AP3D1: variants seen among roughly 807,000 people sequenced by gnomAD.
AP3D1 encodes the protein adaptor related protein complex 3 subunit delta 1, also known as AP-3 complex subunit delta-1.
Under a neutral mutation model 147.6 loss-of-function variants are expected in AP3D1, and 51 were observed. The observed-to-expected ratio is 0.35, with a 90% CI of 0.28 to 0.44. The LOEUF (loss-of-function observed/expected upper bound fraction) is 0.44, where lower values mean the gene tolerates loss of function less well. AP3D1 is among the 20% of genes least tolerant of loss of function. The pLI is 1.00. For synonymous variants in AP3D1, 760 were observed against 663.0 expected (o/e 1.15, Z -2.25); for missense variants, 1,421 against 1,624.2 (o/e 0.87, Z 2.15).
intron 21 of AP3D1, 134 bp from the exon 22 acceptor site, chr19:2,114,436 A>G: frequency 2.6e-6 from 2 of 762,058 alleles, no homozygotes; most frequent in Non-Finnish European, 4.3e-6. Context: ...ATGGCCCAAC[A>G]TAGATCTACT....
intron 9 of AP3D1, 142 bp downstream of exon 9, chr19:2,127,010 C>T: frequency 1.2e-6 from 1 of 860,894 alleles, no homozygotes; most frequent in Non-Finnish European, 1.8e-6. Flanking sequence ...CAGCCAGCCC[C>T]AGGCCCCACC....
chr19:2,107,917 T>C (rs28667087), intron 31 of AP3D1, among the ~76,000 whole-genome samples: 4,909 of 152,222 alleles, frequency 0.032, 266 homozygotes, highest in African/African-American at 0.11. Context: ...CTTGCGCTAA[T>C]TCTTTGAAAA....
intron 30 of AP3D1, 94 bp downstream of exon 30, chr19:2,108,992 G>T (rs916368434): frequency 2.9e-5 from 45 of 1,562,646 alleles, no homozygotes; most frequent in Non-Finnish European, 3.8e-5. Flanking sequence ...TGTGAGTTTG[G>T]GTGGGAGGGC....
intron 1 of AP3D1, among the ~76,000 whole-genome samples, chr19:2,159,387 T>C (rs1181757313): frequency 1.3e-5 from 2 of 150,474 alleles, no homozygotes; most frequent in Non-Finnish European, 3.0e-5. Context: ...CCTAGCTAAT[T>C]TTTTTTGTTT....
chr19:2,120,679 T>C (rs1444360478), intron 14 of AP3D1, among the ~76,000 whole-genome samples, 183 bp downstream of exon 14: 1 of 152,112 alleles, frequency 6.6e-6, no homozygotes, highest in East Asian at 1.9e-4. Flanking sequence ...GACTCGCCTC[T>C]GTAAAGGGGG....
intron 12 of AP3D1, 28 bp downstream of exon 12, chr19:2,121,706 G>C (rs772024705): frequency 2.6e-6 from 4 of 1,547,642 alleles, no homozygotes; most frequent in Non-Finnish European, 3.5e-6. Flanking sequence ...AAGGCCAGGC[G>C]GGCGGGCGGC....
chr19:2,127,302 G>C, intron 8 of AP3D1, 101 bp from the exon 9 acceptor site: 1 of 1,294,938 alleles, frequency 7.7e-7, no homozygotes, highest in Non-Finnish European at 1.1e-6. Flanking sequence ...TCCGCCCCAC[G>C]GCTCAGGGAG....
At chr19:2,144,944 G>A (rs1023570774) in intron 1 of AP3D1, among the ~76,000 whole-genome samples, 1 of 152,046 alleles carries the variant, frequency 6.6e-6, no homozygotes, top group Non-Finnish European at 1.5e-5. Context: ...AACGCTTCTG[G>A]CTCAAATCCA....
chr19:2,112,056 G>A, intron 24 of AP3D1: 1 of 629,360 alleles, frequency 1.6e-6, no homozygotes, highest in South Asian at 2.0e-5. Context: ...AAGCAGCCCG[G>A]GGAACAGTCC....
intron 31 of AP3D1, among the ~76,000 whole-genome samples, chr19:2,102,784 A>T (rs933503589): frequency 2.0e-5 from 3 of 150,316 alleles, no homozygotes; most frequent in African/African-American, 4.9e-5. Flanking sequence ...AATAAATAAA[A>T]TAAAAATAAA....
chr19:2,124,020 C>A (rs369837822), intron 9 of AP3D1, 141 bp from the exon 10 acceptor site: 1 of 963,034 alleles, frequency 1.0e-6, no homozygotes, highest in South Asian at 1.4e-5. Context: ...TTTGGGACCA[C>A]GCAGCCCAAC....
intron 8 of AP3D1, among the ~76,000 whole-genome samples, chr19:2,127,494 C>T (rs184382955): frequency 1.3e-5 from 2 of 152,164 alleles, no homozygotes; most frequent in Admixed American, 1.3e-4. Flanking sequence ...TACCGCCTTC[C>T]TACTGCATCT....
At chr19:2,114,939 C>G in intron 20 of AP3D1, 118 bp from the exon 21 acceptor site, 1 of 1,156,376 alleles carries the variant, frequency 8.6e-7, no homozygotes, top group Non-Finnish European at 1.3e-6. Context: ...TGGGCAGTGA[C>G]GTGGCTCCAC....
intron 1 of AP3D1, among the ~76,000 whole-genome samples, chr19:2,161,287 G>A (rs1035053938): frequency 3.3e-5 from 5 of 150,370 alleles, no homozygotes; most frequent in East Asian, 2.0e-4. Context: ...TCAGCCTCCC[G>A]AGTAGCTGGG....
chr19:2,163,828 G>C (rs1307532190), intron 1 of AP3D1, among the ~76,000 whole-genome samples: 1 of 150,702 alleles, frequency 6.6e-6, no homozygotes, highest in Non-Finnish European at 1.5e-5. Flanking sequence ...GCGCCGAGGG[G>C]GTGGCGCGCG....
At chr19:2,141,626 G>C (rs1257201090) in intron 1 of AP3D1, among the ~76,000 whole-genome samples, 2 of 152,076 alleles carry the variant, frequency 1.3e-5, no homozygotes, top group East Asian at 3.9e-4. Context: ...ATTTTTAGCA[G>C]AGACAGGATT....
intron 1 of AP3D1, among the ~76,000 whole-genome samples, chr19:2,159,927 A>G (rs1461970994): frequency 2.0e-5 from 3 of 151,998 alleles, no homozygotes; most frequent in Non-Finnish European, 4.4e-5. Flanking sequence ...CACGTTAGCC[A>G]GAATGGTCTC....
intron 31 of AP3D1, among the ~76,000 whole-genome samples, chr19:2,107,232 C>T (rs992529894): frequency 2.0e-5 from 3 of 151,322 alleles, no homozygotes; most frequent in African/African-American, 7.3e-5. Flanking sequence ...TGCAGTCCAG[C>T]CTGGGCGACA....
At chr19:2,106,306 TGGGAGGCCGAGGCAGGCA>T (rs1330012190) in intron 31 of AP3D1, among the ~76,000 whole-genome samples, 2 of 152,156 alleles carry the variant, frequency 1.3e-5, no homozygotes, top group Non-Finnish European at 2.9e-5. Flanking sequence ...CCCAGCACTT[TGGGAGGCCGAGGCAGGCA>T]GATCACCCGG....
Sources: gnomAD v4.1 joint callset for allele counts (sites outside exome capture counted in the v4.1 genomes callset) on GRCh38, gnomAD v4.1.1 for gene constraint, MANE v1.5 for transcripts, NCBI Gene and HGNC (gene_info 2026-07-23, HGNC 2026-07-21) for gene names.